The following GSG1L2 variants were observed in gnomAD, a reference collection of about 807,000 sequenced individuals.
GSG1L2 encodes GSG1 like 2, also known as germ cell-specific gene 1-like protein 2.
GSG1L2 carries 15 observed loss-of-function variants against 9.0 expected under a neutral mutation model. The observed-to-expected ratio is 1.67, with a 90% CI of 1.12 to 2.57. The LOEUF (loss-of-function observed/expected upper bound fraction) is 2.57. Among genes scored for constraint, GSG1L2 ranks in the 30% most tolerant of loss-of-function variants. The pLI, the probability that GSG1L2 is intolerant of heterozygous loss-of-function variation, is 0.00. For missense variants in GSG1L2, 286 were observed against 150.3 expected (o/e 1.90, Z -4.72); for synonymous variants, 127 against 57.9 (o/e 2.19, Z -5.41).
At chr17:9,818,344 T>A (rs2066575606) in intron 1 of GSG1L2, among the ~76,000 whole-genome samples, 1 of 151,914 alleles carries the variant, frequency 6.6e-6, no homozygotes, top group Admixed American at 6.6e-5. Flanking sequence ...TGTTTTGTTT[T>A]GTTTTTGAGA....
At chr17:9,807,889 G>A (rs559869446) in intron 3 of GSG1L2, 21 of 325,782 alleles carry the variant, frequency 6.4e-5, no homozygotes, top group African/African-American at 3.2e-4. Flanking sequence ...CATCCCATTC[G>A]CTGAGGATAA....
intron 1 of GSG1L2, among the ~76,000 whole-genome samples, chr17:9,814,139 T>C (rs1453810850): frequency 2.4e-4 from 37 of 152,208 alleles, no homozygotes; most frequent in Admixed American, 2.2e-3. Context: ...TTTCACCATG[T>C]TGGCCAGGCT....
chr17:9,820,000 A>G (rs1283514682), intron 1 of GSG1L2, among the ~76,000 whole-genome samples: 1 of 151,968 alleles, frequency 6.6e-6, no homozygotes, highest in East Asian at 2.0e-4. Context: ...GAGGCAGGAT[A>G]ATCACTTAAA....
intron 3 of GSG1L2, among the ~76,000 whole-genome samples, chr17:9,808,600 C>T (rs73976614): frequency 0.019 from 2,937 of 152,228 alleles, 75 homozygotes; most frequent in African/African-American, 0.061. Context: ...TTGTGACAAA[C>T]GGATAAATTT....
intron 1 of GSG1L2, among the ~76,000 whole-genome samples, chr17:9,817,107 C>T (rs894634381): frequency 6.8e-6 from 1 of 146,204 alleles, no homozygotes; most frequent in African/African-American, 2.6e-5. Flanking sequence ...CACATACACA[C>T]GCGAACTGAG....
At chr17:9,809,632 A>G (rs141116432) in intron 2 of GSG1L2, 4 of 154,184 alleles carry the variant, frequency 2.6e-5, no homozygotes, top group Admixed American at 6.4e-5. Flanking sequence ...CAGAGTGCTG[A>G]TTGGTGCGTT....
At chr17:9,802,713 A>G (rs1163860124) in intron 4 of GSG1L2, 69 bp from the exon 5 acceptor site, 4 of 664,490 alleles carry the variant, frequency 6.0e-6, no homozygotes, top group Admixed American at 2.3e-5. Flanking sequence ...TTTTCTCCAG[A>G]CTGGGGGTCA....
chr17:9,816,760 TGTCTGTGTGTGC>T (rs2152024558), intron 1 of GSG1L2, among the ~76,000 whole-genome samples: 7 of 106,198 alleles, frequency 6.6e-5, no homozygotes, highest in South Asian at 5.1e-4. Context: ...TGTGTATCTG[TGTCTGTGTGTGC>T]GTGTGTGTCT....
At chr17:9,808,682 T>C (rs528457324) in intron 3 of GSG1L2, 148 bp downstream of exon 3, 180 of 571,596 alleles carry the variant, frequency 3.1e-4, no homozygotes, top group East Asian at 6.8e-4. Flanking sequence ...ATGGAATTCA[T>C]TGGTGACTTA....
At chr17:9,803,311 C>T (rs1285916682) in intron 4 of GSG1L2, among the ~76,000 whole-genome samples, 1 of 152,126 alleles carries the variant, frequency 6.6e-6, no homozygotes, top group Non-Finnish European at 1.5e-5. Context: ...CCATGTTGGC[C>T]AGGCCGGTCT....
intron 1 of GSG1L2, among the ~76,000 whole-genome samples, chr17:9,815,742 C>T (rs2066556940): frequency 6.6e-6 from 1 of 152,182 alleles, no homozygotes; most frequent in Admixed American, 6.5e-5. Flanking sequence ...TTATTAAGAG[C>T]TCTTTCTGTC....
chr17:9,812,085 G>A (rs1182581053), intron 1 of GSG1L2, among the ~76,000 whole-genome samples: 1 of 152,086 alleles, frequency 6.6e-6, no homozygotes, highest in African/African-American at 2.4e-5. Flanking sequence ...CAGTTCATAC[G>A]CATTTAAATC....
At chr17:9,819,346 A>G (rs1365382099) in intron 1 of GSG1L2, among the ~76,000 whole-genome samples, 2 of 152,254 alleles carry the variant, frequency 1.3e-5, no homozygotes, top group African/African-American at 4.8e-5. Flanking sequence ...GGAAGATGAC[A>G]GAGGGTATGT....
intron 1 of GSG1L2, among the ~76,000 whole-genome samples, chr17:9,818,874 C>A (rs1024020753): frequency 3.3e-5 from 5 of 152,274 alleles, no homozygotes; most frequent in African/African-American, 9.6e-5. Context: ...TCATATTTGT[C>A]CTTGTTCGTT....
rs1300325916 is a variant in GSG1L2 at position 9,802,227 on chromosome 17, G to A, written c.*159C>T. ...ATTTTAACAGGAATCAAAGGCTAAA[G>A]CCAAAGGTGTTTAGTAAAAGGTGAG... On this transcript the variant is annotated 3_prime_UTR_variant, in exon 5 of 5. Coordinates refer to ENST00000399363, the MANE Select transcript of GSG1L2 (RefSeq NM_001310219.2). Among the ~76,000 whole-genome samples, 1 of 152,176 alleles carries A rather than the reference G, an allele frequency of 6.6e-6. No individual in the cohort carries two copies. Among genetic ancestry groups the A allele is most frequent in the African/African-American group, 2.4e-5 (1 of 41,438 alleles).
At chr17:9,811,992 T>TATC (rs773288598) in intron 1 of GSG1L2, among the ~76,000 whole-genome samples, 7 of 152,064 alleles carry the variant, frequency 4.6e-5, no homozygotes, top group Non-Finnish European at 8.8e-5. Context: ...ACTTATCACT[T>TATC]ATCACTTATC....
intron 2 of GSG1L2, chr17:9,809,413 G>A (rs528145683): frequency 6.8e-5 from 13 of 192,434 alleles, no homozygotes; most frequent in East Asian, 2.8e-4. Context: ...AAGAGTGAGC[G>A]GTAGCAAGGT....
At chr17:9,802,873 C>T (rs568120710) in intron 4 of GSG1L2, among the ~76,000 whole-genome samples, 1 of 152,232 alleles carries the variant, frequency 6.6e-6, no homozygotes, top group South Asian at 2.1e-4. Context: ...CGTGGCCCCA[C>T]CTTGTATTAA....
intron 3 of GSG1L2, 30 bp downstream of exon 3, chr17:9,808,800 G>A: frequency 1.4e-6 from 1 of 701,898 alleles, no homozygotes; most frequent in African/African-American, 1.7e-5. Context: ...CTCTGGGGCA[G>A]CCTGTTCCAA....
Sources: gnomAD v4.1 joint callset for allele counts (sites outside exome capture counted in the v4.1 genomes callset) on GRCh38, gnomAD v4.1.1 for gene constraint, MANE v1.5 for transcripts, NCBI Gene and HGNC (gene_info 2026-07-23, HGNC 2026-07-21) for gene names.